The following GCNT2 variants were observed in gnomAD, a reference collection of about 807,000 sequenced individuals.
GCNT2 encodes glucosaminyl (N-acetyl) transferase 2 (I blood group), also known as N-acetyllactosaminide beta-1,6-N-acetylglucosaminyl-transferase.
A neutral mutation model predicts 34.2 loss-of-function variants in GCNT2; 34 were observed. The observed-to-expected ratio is 1.00, with a 90% CI of 0.76 to 1.32. The LOEUF is 1.32. GCNT2 is among the 40% of genes most tolerant of loss of function. The pLI, the probability that GCNT2 is intolerant of heterozygous loss-of-function variation, is 0.00. For missense variants in GCNT2, 584 were observed against 489.4 expected, an observed-to-expected ratio of 1.19 and a Z score of -1.82; for synonymous variants, 212 against 188.0, an observed-to-expected ratio of 1.13 and a Z score of -1.04.
intron 3 of GCNT2, among the ~76,000 whole-genome samples, chr6:10,531,197 C>T (rs946811394): frequency 2.0e-5 from 3 of 152,304 alleles, no homozygotes; most frequent in Middle Eastern, 3.4e-3. Flanking sequence ...TTTAGGTTGA[C>T]TTTCAATAAG....
At chr6:10,624,833 C>A (rs1349616305) in intron 4 of GCNT2, among the ~76,000 whole-genome samples, 1 of 151,790 alleles carries the variant, frequency 6.6e-6, no homozygotes, top group Non-Finnish European at 1.5e-5. Context: ...TCTCTCAGAC[C>A]CTTGCTCTTT....
chr6:10,561,504 C>T (rs569856136), intron 3 of GCNT2, among the ~76,000 whole-genome samples: 1 of 152,320 alleles, frequency 6.6e-6, no homozygotes, highest in South Asian at 2.1e-4. Context: ...AGGCAGAGCA[C>T]CTGAAGCCAT....
chr6:10,609,690 T>C (rs1467186915), intron 3 of GCNT2, among the ~76,000 whole-genome samples: 1 of 152,222 alleles, frequency 6.6e-6, no homozygotes, highest in Non-Finnish European at 1.5e-5. Context: ...TGGGGCAGTC[T>C]GCTTGGTTAG....
chr6:10,617,745 TTCTTC>T (rs1225110256), intron 3 of GCNT2, among the ~76,000 whole-genome samples: 14 of 115,856 alleles, frequency 1.2e-4, no homozygotes, highest in Non-Finnish European at 1.0e-4. Context: ...GAGTCTGCAT[TTCTTC>T]TTTTTTTTTT....
intron 1 of GCNT2, among the ~76,000 whole-genome samples, chr6:10,524,634 A>T (rs908429416): frequency 2.6e-5 from 4 of 152,126 alleles, no homozygotes; most frequent in African/African-American, 9.7e-5. Context: ...AGAGAGGAGG[A>T]CAGGAAAAGG....
At chr6:10,587,293 G>C (rs896622959) in intron 3 of GCNT2, among the ~76,000 whole-genome samples, 1 of 152,244 alleles carries the variant, frequency 6.6e-6, no homozygotes, top group South Asian at 2.1e-4. Context: ...ACGGATGTTA[G>C]ACATCGCTTT....
chr6:10,524,275 A>C (rs1028619938), intron 1 of GCNT2, among the ~76,000 whole-genome samples: 1 of 131,916 alleles, frequency 7.6e-6, no homozygotes, highest in Non-Finnish European at 1.6e-5. Flanking sequence ...TTTTAGACGG[A>C]GTTTCGCTCT....
intron 3 of GCNT2, among the ~76,000 whole-genome samples, chr6:10,565,197 A>G (rs1053892939): frequency 2.0e-5 from 3 of 152,250 alleles, no homozygotes; most frequent in Admixed American, 2.0e-4. Flanking sequence ...AGCTGGACTG[A>G]GCATGAGGCA....
rs1241456133 is a variant in GCNT2 at position 10,529,552 on chromosome 6, A to C, written c.641A>C (p.Asn214Thr). The C allele has an allele frequency of 6.2e-7, 1 of 1,614,192 alleles. No homozygotes were observed. Among genetic ancestry groups the C allele is most frequent in the East Asian group, 2.2e-5 (1 of 44,892 alleles). The change falls in exon 3 of 5, where the codon AAT (asparagine) becomes ACT (threonine). Residue 214 changes from asparagine to threonine, a missense_variant. By Grantham distance (65) the Asn-to-Thr change is moderately conservative (BLOSUM62 0). Transcript: ENST00000495262. ...VQYLKGFKGK[N>T]ITPGVLPPDH... Reference sequence around the variant, plus strand: ...TATCTGAAGGGATTTAAAGGGAAAAATATCACCCCCGGAGTGCTGCCTCCT... The same window carrying C: ...TATCTGAAGGGATTTAAAGGGAAAACTATCACCCCCGGAGTGCTGCCTCCT...
chr6:10,535,370 C>A (rs773142378), intron 3 of GCNT2, among the ~76,000 whole-genome samples: 6 of 152,156 alleles, frequency 3.9e-5, no homozygotes, highest in Non-Finnish European at 8.8e-5. Context: ...GAAATTAGGG[C>A]TTCCTGCCCT....
chr6:10,523,012 G>A (rs1760993092), intron 1 of GCNT2, among the ~76,000 whole-genome samples: 1 of 152,224 alleles, frequency 6.6e-6, no homozygotes. Flanking sequence ...ATCTTTTCAT[G>A]TGCAAACGCA....
intron 3 of GCNT2, among the ~76,000 whole-genome samples, chr6:10,616,278 T>C (rs1345299693): frequency 1.3e-5 from 2 of 152,206 alleles, no homozygotes; most frequent in African/African-American, 4.8e-5. Context: ...CAGACCTTCG[T>C]GGTGAGTGTT....
intron 3 of GCNT2, among the ~76,000 whole-genome samples, chr6:10,570,538 C>G (rs1228546466): frequency 6.6e-6 from 1 of 152,246 alleles, no homozygotes; most frequent in African/African-American, 2.4e-5. Context: ...TAGCTTCGTG[C>G]TACCATCAGC....
At chr6:10,542,553 C>T (rs115953758) in intron 3 of GCNT2, among the ~76,000 whole-genome samples, 4 of 152,288 alleles carry the variant, frequency 2.6e-5, no homozygotes, top group Non-Finnish European at 5.9e-5. Flanking sequence ...GCTTTTCTGG[C>T]TCTATGGATT....
At chr6:10,523,935 T>C (rs1375846856) in intron 1 of GCNT2, among the ~76,000 whole-genome samples, 1 of 134,680 alleles carries the variant, frequency 7.4e-6, no homozygotes, top group Admixed American at 8.5e-5. Context: ...ATCGCGCCAC[T>C]GCACTCCAGC....
chr6:10,591,206 G>A (rs1462652852), intron 3 of GCNT2, among the ~76,000 whole-genome samples: 3 of 152,128 alleles, frequency 2.0e-5, no homozygotes, highest in African/African-American at 7.2e-5. Context: ...CTACTCCTAC[G>A]CTGCATGCAT....
intron 3 of GCNT2, among the ~76,000 whole-genome samples, chr6:10,617,527 G>A (rs1282557225): frequency 6.6e-6 from 1 of 152,234 alleles, no homozygotes; most frequent in Non-Finnish European, 1.5e-5. Flanking sequence ...AGGCCGAGGA[G>A]GTGCCGAGAG....
intron 3 of GCNT2, among the ~76,000 whole-genome samples, chr6:10,592,608 T>C (rs1764697313): frequency 6.6e-6 from 1 of 152,226 alleles, no homozygotes; most frequent in African/African-American, 2.4e-5. Flanking sequence ...ACTGGCTCCA[T>C]TGTACTATTT....
intron 3 of GCNT2, chr6:10,619,187 T>G (rs1765922178): frequency 6.6e-6 from 1 of 152,210 alleles, no homozygotes; most frequent in South Asian, 2.1e-4. Flanking sequence ...AAGTAGCTTT[T>G]TTCTTCTTTT....
Sources: allele counts gnomAD v4.1 joint callset (sites outside exome capture counted in the v4.1 genomes callset), GRCh38; gene constraint gnomAD v4.1.1; transcripts MANE v1.5; gene names NCBI Gene and HGNC (gene_info 2026-07-23, HGNC 2026-07-21).